The following KAT6B variants were observed in gnomAD, a reference collection of about 807,000 sequenced individuals.
KAT6B encodes the protein lysine acetyltransferase 6B, also known as histone acetyltransferase KAT6B.
A neutral mutation model predicts 187.5 loss-of-function variants in KAT6B; 10 were observed. The observed-to-expected ratio is 0.05, with a 90% confidence interval of 0.03 to 0.09. The LOEUF is 0.09. KAT6B is among the 10% of genes least tolerant of loss of function. The pLI is 1.00. For synonymous variants in KAT6B, 861 were observed against 926.8 expected (o/e 0.93, Z 1.29); for missense variants, 1,952 against 2,558.9 (o/e 0.76, Z 5.12).
At chr10:74,884,512 T>G (rs539530368) in intron 3 of KAT6B, among the ~76,000 whole-genome samples, 2 of 152,310 alleles carry the variant, frequency 1.3e-5, no homozygotes, top group African/African-American at 2.4e-5. Context: ...GTTTTTAAAT[T>G]TAATTATGGT....
intron 3 of KAT6B, among the ~76,000 whole-genome samples, chr10:74,868,818 T>C (rs967654679): frequency 6.6e-6 from 1 of 152,190 alleles, no homozygotes; most frequent in Admixed American, 6.5e-5. Flanking sequence ...TCTTGTTAGC[T>C]CCATGTTAGA....
chr10:75,015,586 C>G (rs1844923740), intron 13 of KAT6B, among the ~76,000 whole-genome samples: 1 of 152,214 alleles, frequency 6.6e-6, no homozygotes, highest in Admixed American at 6.5e-5. Context: ...GAATTGCCAT[C>G]TCCAAGCATG....
At chr10:74,855,208 A>T (rs1842739483) in intron 3 of KAT6B, among the ~76,000 whole-genome samples, 1 of 152,192 alleles carries the variant, frequency 6.6e-6, no homozygotes, top group Non-Finnish European at 1.5e-5. Flanking sequence ...TATGGAGAGC[A>T]GTGAGGCCTG....
Position 74,977,256 on chromosome 10 carries a change from T to C in KAT6B, c.1994-60T>C, listed in dbSNP as rs376103566. On this transcript the variant is annotated intron_variant, in intron 8 of 17. Transcript: ENST00000287239. ...CTAATTTGGTGCCATTTTGGTAATA[T>C]ATGGTGGTTACTCATGATTCAAGTC... 180 of 1,592,656 alleles carry C rather than the reference T, an allele frequency of 1.1e-4. 1 individual carries two copies. The East Asian group carries it at 2.9e-3, about 25-fold the overall frequency.
chr10:74,966,570 T>C (rs1382039261), intron 4 of KAT6B, among the ~76,000 whole-genome samples: 3 of 152,244 alleles, frequency 2.0e-5, no homozygotes, highest in Non-Finnish European at 4.4e-5. Context: ...TAGATAAAAC[T>C]ATTGTAAGCT....
chr10:74,887,546 A>G (rs1417024420), intron 3 of KAT6B, among the ~76,000 whole-genome samples: 1 of 151,800 alleles, frequency 6.6e-6, no homozygotes, highest in Non-Finnish European at 1.5e-5. Flanking sequence ...GCTGGTCCTG[A>G]ACTCCTGACC....
intron 13 of KAT6B, among the ~76,000 whole-genome samples, chr10:74,999,713 T>C (rs1843698354): frequency 6.6e-6 from 1 of 152,190 alleles, no homozygotes; most frequent in Non-Finnish European, 1.5e-5. Flanking sequence ...GGAGACCCTA[T>C]GGGGTAGGTT....
At chr10:75,005,008 C>A (rs1844107500) in intron 13 of KAT6B, among the ~76,000 whole-genome samples, 1 of 152,054 alleles carries the variant, frequency 6.6e-6, no homozygotes, top group African/African-American at 2.4e-5. Context: ...AGCCACTATG[C>A]CCTGAGCTGT....
rs41280424 is a variant in KAT6B at position 74,984,862 on chromosome 10, T to C, written c.2374-218T>C. ...AGCTTAAAGAGAAATTTTAACTACC[T>C]TAAATGTACCCTAATTTAAGAGAAA... On this transcript the variant is annotated intron_variant, in intron 11 of 17. Coordinates refer to ENST00000287239, the MANE Select transcript of KAT6B (RefSeq NM_012330.4). 5.9e-3 allele frequency: 3,309 copies of C among 559,576 alleles called. 14 individuals carry two copies. The highest frequency in any genetic ancestry group is 8.4e-3 in the Non-Finnish European group (2,666 of 316,248). 34.7% of individuals were successfully genotyped at this position (559,576 alleles called of 1,614,324 possible).
chr10:74,846,141 G>A (rs765613874), intron 3 of KAT6B, among the ~76,000 whole-genome samples: 1 of 152,046 alleles, frequency 6.6e-6, no homozygotes, highest in Non-Finnish European at 1.5e-5. Context: ...TGGGATTATA[G>A]GCATGAGCCA....
intron 9 of KAT6B, among the ~76,000 whole-genome samples, chr10:74,978,506 A>G (rs1388847517): frequency 1.3e-5 from 2 of 152,240 alleles, no homozygotes; most frequent in African/African-American, 2.4e-5. Context: ...TCTGACATTC[A>G]TATGTAAACA....
At chr10:74,856,422 T>G (rs752947829) in intron 3 of KAT6B, among the ~76,000 whole-genome samples, 9 of 151,922 alleles carry the variant, frequency 5.9e-5, no homozygotes, top group Non-Finnish European at 1.0e-4. Flanking sequence ...CAACCAAAGA[T>G]CATATATTGC....
intron 13 of KAT6B, among the ~76,000 whole-genome samples, chr10:75,016,859 CTTT>C (rs11323524): frequency 1.3e-4 from 9 of 68,748 alleles, no homozygotes; most frequent in Non-Finnish European, 9.0e-5. Context: ...AAGATAAGTG[CTTT>C]TTTTTTTTTT....
intron 1 of KAT6B, among the ~76,000 whole-genome samples, chr10:74,828,659 C>T (rs1046245612): frequency 1.3e-5 from 2 of 151,018 alleles, no homozygotes; most frequent in African/African-American, 4.9e-5. Context: ...GCTCCGCCTC[C>T]CGGGTTCACG....
chr10:74,997,216 T>C (rs977938413), intron 13 of KAT6B, among the ~76,000 whole-genome samples: 12 of 150,124 alleles, frequency 8.0e-5, no homozygotes, highest in African/African-American at 2.7e-4. Flanking sequence ...TCTCTCTCTC[T>C]CCCCCTGTTC....
At chr10:74,910,544 C>A (rs1847128631) in intron 3 of KAT6B, among the ~76,000 whole-genome samples, 1 of 151,952 alleles carries the variant, frequency 6.6e-6, no homozygotes, top group Non-Finnish European at 1.5e-5. Context: ...TTTTTCTAAA[C>A]CTTTTGCTGA....
intron 5 of KAT6B, 100 bp downstream of exon 5, chr10:74,969,875 T>G: frequency 9.9e-7 from 1 of 1,011,524 alleles, no homozygotes; most frequent in South Asian, 1.3e-5. Context: ...TTTCTAAAGC[T>G]TTAAATACAC....
intron 13 of KAT6B, among the ~76,000 whole-genome samples, chr10:75,010,036 G>A (rs1243973826): frequency 1.3e-5 from 2 of 152,150 alleles, no homozygotes; most frequent in African/African-American, 4.8e-5. Context: ...ATGACACCAA[G>A]TCCATGGGCA....
intron 3 of KAT6B, among the ~76,000 whole-genome samples, chr10:74,919,230 C>A (rs527854833): frequency 3.3e-5 from 5 of 151,494 alleles, no homozygotes; most frequent in Admixed American, 2.6e-4. Flanking sequence ...ATCTATCTAT[C>A]TATATATATA....
Sources: allele counts gnomAD v4.1 joint callset (sites outside exome capture counted in the v4.1 genomes callset), GRCh38; gene constraint gnomAD v4.1.1; transcripts MANE v1.5; gene names NCBI Gene and HGNC (gene_info 2026-07-23, HGNC 2026-07-21).